NOP14: variants seen among roughly 807,000 people sequenced by gnomAD.
NOP14 encodes the protein NOP14 nucleolar protein.
A neutral mutation model predicts 101.6 loss-of-function variants in NOP14; 57 were observed. The observed-to-expected ratio is 0.56, with a 90% CI of 0.45 to 0.70. The LOEUF (loss-of-function observed/expected upper bound fraction) is 0.70, where lower values mean the gene tolerates loss of function less well. NOP14 is among the 30% of genes least tolerant of loss of function. The probability of loss-of-function intolerance (pLI) is 0.00; values close to 1 mark genes in which losing one functional copy is unlikely to be tolerated. For synonymous variants in NOP14, 428 were observed against 424.0 expected (o/e 1.01, Z -0.12); for missense variants, 1,134 against 1,075.5 (o/e 1.05, Z -0.76).
chr4:2,948,251 C>G, intron 9 of NOP14, 27 bp downstream of exon 9: 1 of 1,571,284 alleles, frequency 6.4e-7, no homozygotes, highest in Non-Finnish European at 8.6e-7. Flanking sequence ...ACACTCCCAG[C>G]GCTCCACACA....
chr4:2,961,848 C>T (rs1715962719), intron 1 of NOP14: 1 of 152,216 alleles, frequency 6.6e-6, no homozygotes, highest in African/African-American at 2.4e-5. Flanking sequence ...CATTGGAGAT[C>T]CAAAAAGGAG....
chr4:2,939,052 A>C (rs781014784), intron 17 of NOP14, 122 bp from the exon 18 acceptor site: 8 of 1,489,300 alleles, frequency 5.4e-6, no homozygotes, highest in Admixed American at 5.1e-5. Context: ...AACAGGGGGA[A>C]GTGAACCTGC....
At chr4:2,960,182 G>A (rs954918605) in intron 1 of NOP14, among the ~76,000 whole-genome samples, 38 of 152,150 alleles carry the variant, frequency 2.5e-4, no homozygotes, top group African/African-American at 8.9e-4. Flanking sequence ...GTGTTGCCCA[G>A]GCTGGTTTCG....
At position 2,960,804 on chromosome 4, in the gene NOP14, A is replaced by G. The variant is rs1438113364; in HGVS notation, c.195+2321T>C. Among the ~76,000 whole-genome samples the G allele has an allele frequency of 1.2e-3, 128 of 105,126 alleles. 3 individuals carry two copies. The highest frequency in any genetic ancestry group is 2.8e-3 in the African/African-American group (65 of 23,130). The allele number at this position is 105,126 out of a possible 152,430, so 69.0% of individuals were successfully genotyped here. On this transcript the variant is annotated intron_variant, in intron 1 of 17. Transcript: ENST00000416614. ...ATTATAATCACATTAATATTAATAT[A>G]TTAATATTATAATCACATTATCAAT...
At chr4:2,939,009 A>T in intron 17 of NOP14, 79 bp from the exon 18 acceptor site, 1 of 1,493,354 alleles carries the variant, frequency 6.7e-7, no homozygotes, top group Non-Finnish European at 9.3e-7. Flanking sequence ...CCACATCAGA[A>T]CCACATTAGC....
chr4:2,962,862 C>T (rs1011364511), intron 1 of NOP14, among the ~76,000 whole-genome samples: 3 of 152,194 alleles, frequency 2.0e-5, no homozygotes, highest in Non-Finnish European at 4.4e-5. Context: ...CAGGGCGCCG[C>T]CCGAAGTGAC....
intron 3 of NOP14, 70 bp downstream of exon 3, chr4:2,956,597 CAGA>C: frequency 7.1e-7 from 1 of 1,412,972 alleles, no homozygotes; most frequent in Non-Finnish European, 9.5e-7. Flanking sequence ...CTAAGAAGAG[CAGA>C]AGGTCTAACA....
rs1560310610 is a variant in NOP14, at chr4:2,960,742, A to AATATTATAATCACATTAATATTAATATG, written c.195+2382_195+2383insCATATTAATATTAATGTGATTATAATAT. ...ATTATAATCACATTAATATTAATATATTAATATTATAATCACATTAATATT... is the reference window on the plus strand; with the variant it reads ...ATTATAATCACATTAATATTAATATAATATTATAATCACATTAATATTAATATGTTAATATTATAATCACATTAATATT... On this transcript the variant is annotated intron_variant, in intron 1 of 17. Transcript: ENST00000416614. 3.3e-3 allele frequency among the ~76,000 whole-genome samples: 415 copies of AATATTATAATCACATTAATATTAATATG among 126,738 alleles called. 33 individuals carry two copies. The highest frequency in any genetic ancestry group is 8.2e-3 in the African/African-American group (264 of 32,318). 83.1% of individuals were successfully genotyped at this position (126,738 alleles called of 152,430 possible). A position where few individuals can be genotyped will look rare whatever the true frequency, so the allele number is the denominator to read the frequency against.
intron 5 of NOP14, among the ~76,000 whole-genome samples, chr4:2,952,986 G>A (rs1245717894): frequency 2.0e-5 from 3 of 152,194 alleles, no homozygotes; most frequent in African/African-American, 4.8e-5. Flanking sequence ...CGCCCTAAAC[G>A]TGGGAAACTA....
chr4:2,950,491 T>C (rs1450211801), intron 7 of NOP14: 2 of 504,964 alleles, frequency 4.0e-6, no homozygotes, highest in Non-Finnish European at 7.2e-6. Flanking sequence ...GACTGGGATT[T>C]GGAAGGTGTA....
At chr4:2,948,791 C>G (rs778138875) in intron 8 of NOP14, among the ~76,000 whole-genome samples, 2 of 152,214 alleles carry the variant, frequency 1.3e-5, no homozygotes, top group Non-Finnish European at 2.9e-5. Context: ...ACTTACATGT[C>G]TGCTGACAGA....
At chr4:2,959,463 G>A (rs375460861) in intron 1 of NOP14, among the ~76,000 whole-genome samples, 12 of 152,152 alleles carry the variant, frequency 7.9e-5, no homozygotes, top group South Asian at 2.1e-4. Context: ...TGTGGTGGCG[G>A]GCGCCTGTAG....
At chr4:2,952,234 G>T in intron 6 of NOP14, 41 bp downstream of exon 6, 4 of 1,602,824 alleles carry the variant, frequency 2.5e-6, no homozygotes, top group Non-Finnish European at 2.6e-6. Context: ...GCTGTGGACG[G>T]ACAGCAGCAC....
intron 3 of NOP14, among the ~76,000 whole-genome samples, chr4:2,955,948 A>G (rs892114012): frequency 2.6e-5 from 4 of 152,234 alleles, no homozygotes; most frequent in African/African-American, 9.6e-5. Flanking sequence ...CACTGACAAG[A>G]CAAAGCTTTG....
chr4:2,963,280 A>G lies in NOP14; in HGVS notation c.40T>C (p.Ser14Pro), dbSNP rs763247250. The G allele has an allele frequency of 1.3e-6, 2 of 1,592,358 alleles. No homozygotes were observed. The highest frequency in any genetic ancestry group is 1.7e-6 in the Non-Finnish European group (2 of 1,171,964). ...CCTCGCGCTCCCGCCGGCGCCCCGG[A>G]GGCCTTCCTTCGCGCCCCGACCTTC... ...AKKVGARRKA[S>P]GAPAGARGGP... The change falls in exon 1 of 18, where the codon TCC becomes CCC. Residue 14 changes from serine (S) to proline (P), a missense_variant. By Grantham distance (74) the Ser-to-Pro change is moderately conservative (BLOSUM62 -1). Transcript: ENST00000416614.
rs760431479 is a variant in NOP14 at position 2,942,299 on chromosome 4, G to C, written c.1944C>G (p.Leu648=). ...FRALGKNSEL[L]VVSAREDVAT... ...CCACATCCTCTCTAGCAGACACCAC[G>C]AGCAGTTCCGAGTTCTTCCCAAGCG... The change falls in exon 14 of 18, where the codon CTC becomes CTG. Residue 648 remains leucine, a synonymous_variant. Coordinates refer to ENST00000416614, the MANE Select transcript of NOP14 (RefSeq NM_001291978.2). The C allele has an allele frequency of 6.2e-7, 1 of 1,614,120 alleles. No individual in the cohort carries two copies. Among genetic ancestry groups the C allele is most frequent in the Non-Finnish European group, 8.5e-7 (1 of 1,180,022 alleles).
In NOP14 at chr4:2,947,536, T is replaced by A; in HGVS notation, c.1489A>T (p.Lys497Ter). The A allele has an allele frequency of 1.2e-6, 2 of 1,612,530 alleles. No individual in the cohort carries two copies. The highest frequency in any genetic ancestry group is 1.7e-6 in the Non-Finnish European group (2 of 1,178,596). Residue 497 changes from lysine (K) to a stop codon, truncating the protein, a stop_gained, in exon 10 of 18, where the codon AAG becomes TAG. Transcript: ENST00000416614. LOFTEE classifies it high-confidence loss of function. ...ACCATTTTTACTTACACAACCAACT[T>A]ATCAATGACTGTGAGGTCTGGTGGG... ...DDPPDLTVID[K>*]LVVHLYHLCQ... is the part of the protein sequence containing the mutation.
Position 2,938,529 on chromosome 4 carries a change from G to GAC in NOP14, c.*300_*301dup, listed in dbSNP as rs1008983924. 19 of 402,092 alleles carry GAC rather than the reference G, an allele frequency of 4.7e-5. No individual in the cohort carries two copies. Among genetic ancestry groups the GAC allele is most frequent in the Non-Finnish European group, 2.8e-5 (6 of 217,156 alleles). The allele number at this position is 402,092 out of a possible 1,614,324, so 24.9% of individuals were successfully genotyped here. On this transcript the variant is annotated 3_prime_UTR_variant, in exon 18 of 18. Coordinates refer to ENST00000416614, the MANE Select transcript of NOP14 (RefSeq NM_001291978.2). Reference sequence around the variant, plus strand: ...CAAAAAAAAAAATTTTTTTTTAAGCGACACAGTCTTGCACTGTGGCCGAGG... The same window carrying GAC: ...CAAAAAAAAAAATTTTTTTTTAAGCGACACACAGTCTTGCACTGTGGCCGAGG...
At position 2,953,554 on chromosome 4, in the gene NOP14, T is replaced by C. The variant is rs747231786; in HGVS notation, c.704A>G (p.Lys235Arg). ...WKEIQTLLSH[K>R]TPKSENRDKK... ...GTCTCTGTTCTCTGACTTGGGAGTT[T>C]TGTGGGACAGGAGAGTCTGAATTTC... Residue 235 changes from lysine to arginine, a missense_variant, in exon 5 of 18, where the codon AAA becomes AGA. Coordinates refer to ENST00000416614, the MANE Select transcript of NOP14 (RefSeq NM_001291978.2). 1.2e-6 allele frequency: 2 copies of C among 1,614,142 alleles called. No homozygotes were observed. Among genetic ancestry groups the C allele is most frequent in the African/African-American group, 1.3e-5 (1 of 74,934 alleles).
Sources: gnomAD v4.1 joint callset for allele counts (sites outside exome capture counted in the v4.1 genomes callset) on GRCh38, gnomAD v4.1.1 for gene constraint, MANE v1.5 for transcripts, NCBI Gene and HGNC (gene_info 2026-07-23, HGNC 2026-07-21) for gene names.